The following CPQ variants were observed in gnomAD, a reference collection of about 807,000 sequenced individuals.
The protein encoded by CPQ is Ser-Met dipeptidase.
In CPQ, 37 loss-of-function variants were observed where a neutral mutation model predicts 45.7. That is an observed-to-expected ratio of 0.81 (90% CI 0.62 to 1.07). The LOEUF is 1.07. Ranked by LOEUF, CPQ falls within the 50% of genes least tolerant of loss-of-function variation. CPQ has a pLI of 0.00. For synonymous variants in CPQ, 186 were observed against 205.8 expected (o/e 0.90, Z 0.82); for missense variants, 537 against 572.9 (o/e 0.94, Z 0.64).
chr8:97,053,051 C>A (rs1224046702), intron 6 of CPQ, among the ~76,000 whole-genome samples: 2 of 152,194 alleles, frequency 1.3e-5, no homozygotes, highest in Non-Finnish European at 2.9e-5. Flanking sequence ...ACCACATCAT[C>A]ATCATCAACA....
chr8:96,982,099 G>A (rs1407823257), intron 5 of CPQ, among the ~76,000 whole-genome samples: 1 of 152,188 alleles, frequency 6.6e-6, no homozygotes, highest in East Asian at 1.9e-4. Flanking sequence ...TCATCTCATG[G>A]CTTGAATTGA....
At chr8:96,878,497 A>AC (rs1812177837) in intron 3 of CPQ, among the ~76,000 whole-genome samples, 1 of 152,204 alleles carries the variant, frequency 6.6e-6, no homozygotes, top group Admixed American at 6.5e-5. Context: ...TGTAGAAGAC[A>AC]CCCCTGAAAC....
At chr8:96,968,588 C>A (rs1335961763) in intron 5 of CPQ, among the ~76,000 whole-genome samples, 3 of 152,208 alleles carry the variant, frequency 2.0e-5, no homozygotes, top group Non-Finnish European at 4.4e-5. Context: ...CTGTGGCAAT[C>A]TCTTTTTCCA....
rs370191545 is a variant in CPQ at position 97,046,796 on chromosome 8, CT to C, written c.1053+17303del. ...TGGCAGTGTTTTTTCCCCTCCAAAG[CT>C]CTGGAAAATACTTTATTATAACTCA... On this transcript the variant is annotated intron_variant, in intron 6 of 7. Transcript: ENST00000220763. Among the ~76,000 whole-genome samples the C allele has an allele frequency of 1.4e-3, 209 of 152,282 alleles. 1 individual carries two copies. Among genetic ancestry groups the C allele is most frequent in the African/African-American group, 4.9e-3 (204 of 41,556 alleles).
chr8:96,976,421 A>G (rs539733460), intron 5 of CPQ, among the ~76,000 whole-genome samples: 2 of 152,244 alleles, frequency 1.3e-5, no homozygotes, highest in African/African-American at 4.8e-5. Flanking sequence ...AAATGACCAT[A>G]CTGCCAAAAG....
intron 1 of CPQ, among the ~76,000 whole-genome samples, chr8:96,682,857 G>A (rs1809169302): frequency 1.3e-5 from 2 of 151,994 alleles, no homozygotes; most frequent in Non-Finnish European, 1.5e-5. Context: ...GAGTTTCTTG[G>A]AGACAGCATA....
At chr8:96,955,691 AC>A (rs1240907894) in intron 4 of CPQ, among the ~76,000 whole-genome samples, 2 of 152,172 alleles carry the variant, frequency 1.3e-5, no homozygotes, top group Admixed American at 1.3e-4. Flanking sequence ...GACCAATGGA[AC>A]AGAACAGAGC....
chr8:96,678,838 C>T (rs1287947251), intron 1 of CPQ, among the ~76,000 whole-genome samples: 5 of 143,366 alleles, frequency 3.5e-5, no homozygotes, highest in African/African-American at 1.3e-4. Flanking sequence ...GATAAATAGT[C>T]CGCAAATATT....
At chr8:96,796,049 A>G (rs2130818532) in intron 2 of CPQ, among the ~76,000 whole-genome samples, 1 of 152,196 alleles carries the variant, frequency 6.6e-6, no homozygotes, top group South Asian at 2.1e-4. Context: ...TAAATTATTA[A>G]TGTACATATT....
chr8:97,029,594 T>A, intron 6 of CPQ, 100 bp downstream of exon 6: 1 of 1,112,132 alleles, frequency 9.0e-7, no homozygotes, highest in Admixed American at 2.0e-5. Flanking sequence ...TCTGGTCAAC[T>A]GGCCCTAGGA....
At chr8:96,667,475 T>C (rs1182692902) in intron 1 of CPQ, among the ~76,000 whole-genome samples, 2 of 151,370 alleles carry the variant, frequency 1.3e-5, no homozygotes, top group Non-Finnish European at 2.9e-5. Flanking sequence ...CAGCCTCCCA[T>C]GTAGCTGGGA....
chr8:96,940,947 A>G (rs1813116937), intron 4 of CPQ, among the ~76,000 whole-genome samples: 1 of 152,122 alleles, frequency 6.6e-6, no homozygotes, highest in Admixed American at 6.6e-5. Context: ...TCTTTCCCCA[A>G]ATCTTGGGAA....
intron 6 of CPQ, among the ~76,000 whole-genome samples, chr8:97,037,586 C>A (rs947549526): frequency 1.3e-5 from 2 of 152,132 alleles, no homozygotes; most frequent in African/African-American, 2.4e-5. Flanking sequence ...GTTTAAATTT[C>A]ATTTGTCTCA....
chr8:97,015,959 T>A (rs1246586873), intron 5 of CPQ, among the ~76,000 whole-genome samples: 2 of 152,138 alleles, frequency 1.3e-5, no homozygotes, highest in Non-Finnish European at 2.9e-5. Flanking sequence ...ACAAAAAATG[T>A]AAAGAAGTAT....
intron 7 of CPQ, among the ~76,000 whole-genome samples, chr8:97,140,697 T>C (rs1812143410): frequency 6.6e-6 from 1 of 152,050 alleles, no homozygotes; most frequent in Admixed American, 6.6e-5. Context: ...TTGGAGTATA[T>C]TTAAATGATT....
At chr8:96,768,692 G>C (rs1259343927) in intron 1 of CPQ, among the ~76,000 whole-genome samples, 1 of 152,144 alleles carries the variant, frequency 6.6e-6, no homozygotes, top group Non-Finnish European at 1.5e-5. Context: ...ATGCCTGTTT[G>C]ACAGGTTTAA....
chr8:96,782,221 T>A (rs1810696562), intron 1 of CPQ, among the ~76,000 whole-genome samples: 1 of 152,214 alleles, frequency 6.6e-6, no homozygotes, highest in African/African-American at 2.4e-5. Flanking sequence ...TGATACATTC[T>A]TTAAAATCTA....
intron 5 of CPQ, among the ~76,000 whole-genome samples, chr8:97,025,373 C>T (rs1185352550): frequency 6.6e-6 from 1 of 152,084 alleles, no homozygotes; most frequent in Non-Finnish European, 1.5e-5. Context: ...TAGAGGAAAA[C>T]CATGTTGGCT....
chr8:96,670,077 G>A (rs1369162470), intron 1 of CPQ, among the ~76,000 whole-genome samples: 4 of 152,166 alleles, frequency 2.6e-5, no homozygotes, highest in Non-Finnish European at 5.9e-5. Context: ...GCACACACAT[G>A]TTTTCTCTGT....
Sources: allele counts gnomAD v4.1 joint callset (sites outside exome capture counted in the v4.1 genomes callset), GRCh38; gene constraint gnomAD v4.1.1; transcripts MANE v1.5; gene names NCBI Gene and HGNC (gene_info 2026-07-23, HGNC 2026-07-21).